The following LAS1L variants were observed in gnomAD, a reference collection of about 807,000 sequenced individuals.
LAS1L encodes LAS1 like ribosome biogenesis factor.
In LAS1L, 5 loss-of-function variants were observed where a neutral mutation model predicts 57.3. The observed-to-expected ratio is 0.09, with a 90% CI of 0.05 to 0.18. LAS1L has a LOEUF of 0.18. Among genes scored for constraint, LAS1L ranks in the 10% least tolerant of loss-of-function variants. The probability of loss-of-function intolerance (pLI) is 1.00; values close to 1 mark genes in which losing one functional copy is unlikely to be tolerated. For synonymous variants in LAS1L, 245 were observed against 231.7 expected (o/e 1.06, Z -0.52); for missense variants, 360 against 568.3 (o/e 0.63, Z 3.73).
chrX:65,518,230 T>C lies in LAS1L; in HGVS notation c.1684A>G (p.Asn562Asp). The C allele has an allele frequency of 8.3e-7, 1 of 1,211,900 alleles. No individual in the cohort carries two copies. The highest frequency in any genetic ancestry group is 1.1e-6 in the Non-Finnish European group (1 of 895,468). The part of the protein sequence containing the change: ...AQQQEEQGSV[N>D]DVKEEEKEEK... ...TCCTTCTCCTCTTCCTTGACATCAT[T>C]AACACTGCCCTGCTCCTCCTGTTGC... The change falls in exon 12 of 14, where the codon AAT becomes GAT. Residue 562 changes from asparagine to aspartate, a missense_variant. Transcript: ENST00000374811.
At chrX:65,515,750 A>C in intron 12 of LAS1L, among the ~76,000 whole-genome samples, 1 of 109,221 alleles carries the variant, frequency 9.2e-6, no homozygotes, top group Non-Finnish European at 1.9e-5. Flanking sequence ...TGCCTCCCAC[A>C]CCCCTCATTC....
rs921309096 is a variant in LAS1L at position 65,519,821 on chromosome X, G to A, written c.1449-1356C>T. On this transcript the variant is annotated intron_variant, in intron 11 of 13. Transcript: ENST00000374811. ...CACATATGCAGGGTGACTGGTCAGT[G>A]GGGGCAGGGCTGGGGGGCTGATGAC... is the stretch of plus-strand genomic sequence containing the variant. Among the ~76,000 whole-genome samples the A allele has an allele frequency of 6.3e-5, 7 of 111,292 alleles. No individual in the cohort carries two copies. The Admixed American group carries it at 6.7e-4, about 11-fold the overall frequency.
At chrX:65,526,016 C>T (rs959354935) in intron 7 of LAS1L, among the ~76,000 whole-genome samples, 1 of 111,128 alleles carries the variant, frequency 9.0e-6, no homozygotes, top group Non-Finnish European at 1.9e-5. Context: ...GTATTAAGTT[C>T]TTGTTCTATT....
In LAS1L at chrX:65,528,242, G is replaced by C; in HGVS notation, c.956+18C>G. On this transcript the variant is annotated intron_variant, in intron 7 of 13. Transcript: ENST00000374811. Reference sequence around the variant, plus strand: ...CTATCCTAGAGAATACGCAGCTCCCGGTTACCTAGTTACACACCTGTTCTC... The same window carrying C: ...CTATCCTAGAGAATACGCAGCTCCCCGTTACCTAGTTACACACCTGTTCTC... The C allele has an allele frequency of 9.5e-7, 1 of 1,055,736 alleles. No individual in the cohort carries two copies. The highest frequency in any genetic ancestry group is 1.3e-6 in the Non-Finnish European group (1 of 759,842). The allele number at this position is 1,055,736 out of a possible 1,213,427, so 87.0% of individuals were successfully genotyped here.
At chrX:65,529,920 C>T in intron 4 of LAS1L, 42 bp from the exon 5 acceptor site, 1 of 1,152,851 alleles carries the variant, frequency 8.7e-7, no homozygotes, top group Non-Finnish European at 1.2e-6. Flanking sequence ...ATCAGGCAGG[C>T]AGCTAGCAGG....
At chrX:65,521,702 G>C (rs2068857607) in intron 11 of LAS1L, 1 of 111,598 alleles carries the variant, frequency 9.0e-6, no homozygotes, top group African/African-American at 3.3e-5. Context: ...AGACAGATTT[G>C]GGTTTCAGCA....
Position 65,512,720 on chromosome X carries a change from G to A in LAS1L, c.*55C>T, listed in dbSNP as rs2068492159. 8.8e-7 allele frequency: 1 copy of A among 1,136,015 alleles called. No individual in the cohort carries two copies. The highest frequency in any genetic ancestry group is 1.2e-6 in the Non-Finnish European group (1 of 853,266). The allele number at this position is 1,136,015 out of a possible 1,213,427, so 93.6% of individuals were successfully genotyped here. On this transcript the variant is annotated 3_prime_UTR_variant, in exon 14 of 14. Transcript: ENST00000374811. ...TCTCAGGGAGCATCAGTTGTACTAG[G>A]GGGTGGGCTGTTGCCCTGGCACGGC...
intron 13 of LAS1L, among the ~76,000 whole-genome samples, 196 bp from the exon 14 acceptor site, chrX:65,513,097 G>T (rs1455269049): frequency 8.9e-6 from 1 of 112,357 alleles, no homozygotes; most frequent in African/African-American, 3.2e-5. Flanking sequence ...GTTGAGGAAG[G>T]GAGGGAAGGA....
Position 65,525,063 on chromosome X carries a change from G to C in LAS1L, c.957-13C>G. On this transcript the variant is annotated splice_polypyrimidine_tract_variant and intron_variant, in intron 7 of 13. Transcript: ENST00000374811. ...CAGCACAGCCTCCCTGGAACAAGAG[G>C]ACACTAGTTTAGCAAAGTGATGCTG... is the stretch of plus-strand genomic sequence containing the variant. The C allele has an allele frequency of 6.7e-6, 8 of 1,187,643 alleles. No homozygotes were observed. The highest frequency in any genetic ancestry group is 9.1e-6 in the Non-Finnish European group (8 of 875,864).
rs1213492966 is a variant in LAS1L at position 65,526,594 on chromosome X, AC to A, written c.957-1545del. ...CACCCAGGGTTACTCTGCTACCTAC[AC>A]CACCTACCTAAACTCTCCAACTTCT... On this transcript the variant is annotated intron_variant, in intron 7 of 13. Transcript: ENST00000374811. Among the ~76,000 whole-genome samples, 3 of 111,597 alleles carry A rather than the reference AC, an allele frequency of 2.7e-5. No individual in the cohort carries two copies. In the Admixed American group the frequency reaches 2.8e-4, roughly 11 times the overall value.
chrX:65,523,537 C>T (rs1444329207), intron 11 of LAS1L, 23 bp downstream of exon 11: 11 of 1,152,453 alleles, frequency 9.5e-6, no homozygotes, highest in South Asian at 2.1e-5. Flanking sequence ...ACCCTCTTAC[C>T]GGATGGAATT....
intron 11 of LAS1L, 119 bp downstream of exon 11, chrX:65,523,441 G>C: frequency 1.4e-6 from 1 of 725,499 alleles, no homozygotes; most frequent in East Asian, 3.8e-5. Context: ...CTGTCAGTGG[G>C]AGTGAGACTG....
At chrX:65,533,574 A>G (rs2069613390) in intron 2 of LAS1L, 36 bp downstream of exon 2, 1 of 1,202,205 alleles carries the variant, frequency 8.3e-7, no homozygotes. Flanking sequence ...CCAGTCCCCA[A>G]AGCCAACCTC....
chrX:65,523,845 G>A, intron 10 of LAS1L, 138 bp from the exon 11 acceptor site: 1 of 814,645 alleles, frequency 1.2e-6, no homozygotes, highest in Non-Finnish European at 1.7e-6. Context: ...AAAGAATTCA[G>A]GGCACTTTGC....
Position 65,525,162 on chromosome X carries a change from C to G in LAS1L, c.957-112G>C. ...CCTCTGGCTCAAGTGGCTGAAGCAG[C>G]ATAGGGAGGAGGGGTGGTGGGTGGG... is the stretch of plus-strand genomic sequence containing the variant. On this transcript the variant is annotated intron_variant, in intron 7 of 13. Transcript: ENST00000374811. The G allele has an allele frequency of 5.3e-6, 3 of 566,298 alleles. No individual in the cohort carries two copies. In the South Asian group the frequency reaches 8.4e-5, roughly 16 times the overall value. The allele number at this position is 566,298 out of a possible 1,213,427, so 46.7% of individuals were successfully genotyped here.
rs775839971 is a variant in LAS1L at position 65,514,948 on chromosome X, G to A, written c.1953C>T (p.Pro651=). ...SSEDVRWDTF[P]LGRMPGQTED... is the part of the protein sequence containing the mutation. ...CGGTCTGACCTGGCATTCGGCCTAG[G>A]GGAAATGTGTCCCATCGCACGTCTT... is the stretch of plus-strand genomic sequence containing the variant. The change falls in exon 13 of 14, where the codon CCC becomes CCT. Residue 651 remains proline (P), a synonymous_variant. Coordinates refer to ENST00000374811, the MANE Select transcript of LAS1L (RefSeq NM_031206.7). The A allele has an allele frequency of 8.3e-7, 1 of 1,208,133 alleles. No homozygotes were observed. The highest frequency in any genetic ancestry group is 1.8e-5 in the South Asian group (1 of 56,451).
chrX:65,529,392 G>T, intron 5 of LAS1L, 134 bp from the exon 6 acceptor site: 1 of 679,458 alleles, frequency 1.5e-6, no homozygotes, highest in Non-Finnish European at 2.2e-6. Context: ...TACTTCACAG[G>T]GCTCAAGATG....
At chrX:65,522,909 G>A (rs2068931679) in intron 11 of LAS1L, 1 of 112,380 alleles carries the variant, frequency 8.9e-6, no homozygotes, top group South Asian at 3.7e-4. Context: ...AAGCAAGAAG[G>A]GAATCAGGCG....
intron 9 of LAS1L, 66 bp downstream of exon 9, chrX:65,524,498 T>C (rs1165251317): frequency 2.0e-6 from 1 of 511,925 alleles, no homozygotes; most frequent in Non-Finnish European, 3.6e-6. Flanking sequence ...AACCAACAAC[T>C]GACTCAAAAT....
Sources: gnomAD v4.1 joint callset for allele counts (sites outside exome capture counted in the v4.1 genomes callset) on GRCh38, gnomAD v4.1.1 for gene constraint, MANE v1.5 for transcripts, NCBI Gene and HGNC (gene_info 2026-07-23, HGNC 2026-07-21) for gene names.